The following TIMELESS variants were observed in gnomAD, a reference collection of about 807,000 sequenced individuals.
TIMELESS encodes protein timeless homolog.
TIMELESS carries 124 observed loss-of-function variants against 164.3 expected under a neutral mutation model. The observed-to-expected ratio is 0.75, with a 90% CI of 0.65 to 0.88. TIMELESS has a LOEUF of 0.88. TIMELESS is among the 40% of genes least tolerant of loss of function. The pLI is 0.00. For synonymous variants in TIMELESS, 564 were observed against 563.4 expected (o/e 1.00, Z -0.02); for missense variants, 1,422 against 1,491.4 (o/e 0.95, Z 0.77).
Position 56,447,182 on chromosome 12 carries a change from G to GT in TIMELESS, c.-62+2127dup, listed in dbSNP as rs144004569. Among the ~76,000 whole-genome samples the GT allele has an allele frequency of 8.2e-4, 73 of 89,268 alleles. 1 individual carries two copies. Among genetic ancestry groups the GT allele is most frequent in the East Asian group, 2.3e-3 (5 of 2,210 alleles). 58.6% of individuals were successfully genotyped at this position (89,268 alleles called of 152,430 possible). ...ATGCCACCATACCCAGCTAATTTTT[G>GT]TTTTTTTTTTTTTTTTTTTTTTTTT... On this transcript the variant is annotated intron_variant, in intron 1 of 28. Coordinates refer to ENST00000553532, the MANE Select transcript of TIMELESS (RefSeq NM_003920.5).
At chr12:56,427,204 C>T (rs1201715160) in intron 13 of TIMELESS, among the ~76,000 whole-genome samples, 1 of 151,694 alleles carries the variant, frequency 6.6e-6, no homozygotes, top group Non-Finnish European at 1.5e-5. Context: ...CCTACTGCAA[C>T]CTCTGCCTCA....
intron 13 of TIMELESS, among the ~76,000 whole-genome samples, chr12:56,426,591 G>A (rs1209804117): frequency 1.4e-5 from 2 of 146,412 alleles, no homozygotes; most frequent in Non-Finnish European, 3.0e-5. Flanking sequence ...ACGGAGTCTT[G>A]CTCTGTTGCC....
chr12:56,447,968 G>T (rs1052156732), intron 1 of TIMELESS, among the ~76,000 whole-genome samples: 1 of 152,164 alleles, frequency 6.6e-6, no homozygotes, highest in Non-Finnish European at 1.5e-5. Context: ...AGTCAGGTGC[G>T]TAAGAGATTT....
intron 13 of TIMELESS, among the ~76,000 whole-genome samples, chr12:56,425,404 A>G (rs1010891091): frequency 2.0e-5 from 3 of 152,240 alleles, no homozygotes; most frequent in African/African-American, 7.2e-5. Context: ...GTGAGTGAGC[A>G]TAAGATGTCA....
chr12:56,439,006 A>T (rs1882163456), intron 1 of TIMELESS, among the ~76,000 whole-genome samples: 1 of 151,250 alleles, frequency 6.6e-6, no homozygotes. Flanking sequence ...TCTACTAAAA[A>T]TACAAAAAAA....
At chr12:56,443,144 A>G (rs1868300066) in intron 1 of TIMELESS, among the ~76,000 whole-genome samples, 1 of 152,174 alleles carries the variant, frequency 6.6e-6, no homozygotes, top group South Asian at 2.1e-4. Flanking sequence ...ATAAGGTCTG[A>G]CTGCCTGGGG....
At chr12:56,430,021 T>C in intron 10 of TIMELESS, 84 bp downstream of exon 10, 1 of 1,416,452 alleles carries the variant, frequency 7.1e-7, no homozygotes, top group South Asian at 1.4e-5. Flanking sequence ...CCCGAGCTCC[T>C]CCCCACTTCT....
At position 56,418,376 on chromosome 12, in the gene TIMELESS, G is replaced by A. The variant is rs781524587; in HGVS notation, c.3229-17C>T. On this transcript the variant is annotated splice_polypyrimidine_tract_variant and intron_variant, in intron 26 of 28. Coordinates refer to ENST00000553532, the MANE Select transcript of TIMELESS (RefSeq NM_003920.5). ...GAAGGTTTCCTACAGGGGCCAAAAA[G>A]TTGAAAAGGGAAAGGACCAGCTTTT... 6.3e-7 allele frequency: 1 copy of A among 1,577,836 alleles called. No homozygotes were observed. The highest frequency in any genetic ancestry group is 8.6e-7 in the Non-Finnish European group (1 of 1,160,002).
In TIMELESS at chr12:56,423,481, C is replaced by T. The variant is rs772221714; in HGVS notation, c.2091-6G>A. The T allele has an allele frequency of 1.9e-5, 31 of 1,613,856 alleles. No individual in the cohort carries two copies. The highest frequency in any genetic ancestry group is 4.4e-5 in the South Asian group (4 of 91,082). ...CGACAGTTGAACATGCAAAGCTGCACCAAAACAAGGAGGGAGAGGATGTCA... is the reference window on the plus strand; with the variant it reads ...CGACAGTTGAACATGCAAAGCTGCATCAAAACAAGGAGGGAGAGGATGTCA... On this transcript the variant is annotated splice_region_variant and splice_polypyrimidine_tract_variant and intron_variant, in intron 17 of 28. Transcript: ENST00000553532.
In TIMELESS at chr12:56,434,213, G is replaced by A. The variant is rs148157141; in HGVS notation, c.-43C>T. ...AACAGAGAAGGAAGTGGAGAAACAG[G>A]AGACAGAAATGATGAGGCCTGGAGA... On this transcript the variant is annotated 5_prime_UTR_variant, in exon 2 of 29. Transcript: ENST00000553532. 1,296 of 1,496,572 alleles carry A rather than the reference G, an allele frequency of 8.7e-4. 6 individuals are homozygous for A. The African/African-American group carries it at 0.016, about 18-fold the overall frequency. 92.7% of individuals were successfully genotyped at this position (1,496,572 alleles called of 1,614,324 possible).
Position 56,428,586 on chromosome 12 carries a change from TG to T in TIMELESS, c.1370del (p.Pro457GlnfsTer5). 1 of 1,614,148 alleles carries T rather than the reference TG, an allele frequency of 6.2e-7. No individual in the cohort carries two copies. Among genetic ancestry groups the T allele is most frequent in the Non-Finnish European group, 8.5e-7 (1 of 1,180,012 alleles). On this transcript the variant is annotated frameshift_variant, in exon 12 of 29. Transcript: ENST00000553532. LOFTEE classifies it high-confidence loss of function. ...LATVNEMDIS[P>X]DEAVRESSRI... ...GGCTGCTCTCCCTCACAGCCTCATC[TG>T]GAGATATGTCCATCTCATTCACTGT...
At chr12:56,423,560 C>G in intron 17 of TIMELESS, 24 bp downstream of exon 17, 1 of 1,613,568 alleles carries the variant, frequency 6.2e-7, no homozygotes, top group South Asian at 1.1e-5. Context: ...ACTCTAGGAC[C>G]AACTCAGGCC....
At chr12:56,422,258 C>T (rs1881523088) in intron 19 of TIMELESS, 67 bp from the exon 20 acceptor site, 6 of 1,423,878 alleles carry the variant, frequency 4.2e-6, no homozygotes, top group Non-Finnish European at 5.9e-6. Context: ...CAAAGGCCTT[C>T]TCTGATCAGT....
chr12:56,442,744 A>T (rs1012532649), intron 1 of TIMELESS, among the ~76,000 whole-genome samples: 2 of 152,192 alleles, frequency 1.3e-5, no homozygotes, highest in Non-Finnish European at 2.9e-5. Flanking sequence ...ATGTTGCGGG[A>T]AGTCAGGGAC....
chr12:56,430,871 G>GA lies in TIMELESS; in HGVS notation c.909+9dup, dbSNP rs1881852293. 1 of 1,568,498 alleles carries GA rather than the reference G, an allele frequency of 6.4e-7. No homozygotes were observed. Among genetic ancestry groups the GA allele is most frequent in the African/African-American group, 1.4e-5 (1 of 72,680 alleles). ...CACTATGTTCCCACTCCAGATGTAA[G>GA]AATACTCACGTTGTGAAGGCCTTTG... is the stretch of plus-strand genomic sequence containing the variant. On this transcript the variant is annotated intron_variant, in intron 9 of 28. Coordinates refer to ENST00000553532, the MANE Select transcript of TIMELESS (RefSeq NM_003920.5).
Position 56,433,125 on chromosome 12 carries a change from G to A in TIMELESS, c.432C>T (p.Gly144=), listed in dbSNP as rs1881950701. The A allele has an allele frequency of 6.2e-7, 1 of 1,613,858 alleles. No homozygotes were observed. Among genetic ancestry groups the A allele is most frequent in the African/African-American group, 1.3e-5 (1 of 74,874 alleles). ...SETLYELLQL[G]WEERQEEDNL... is the part of the protein sequence containing the mutation. ...TGTCTTCCTCCTGCCGTTCCTCCCA[G>A]CCCTAACCAGAAGAGAGTAAGAGGA... The change falls in exon 6 of 29, where the codon GGC becomes GGT. Residue 144 remains glycine (G), a splice_region_variant and synonymous_variant. Transcript: ENST00000553532.
At chr12:56,431,340 G>A (rs1189612438) in intron 8 of TIMELESS, 131 bp downstream of exon 8, 4 of 1,190,134 alleles carry the variant, frequency 3.4e-6, no homozygotes, top group African/African-American at 1.6e-5. Context: ...GGCGACAAGA[G>A]CAAAATTCTG....
In TIMELESS at chr12:56,418,294, C is replaced by T. The variant is rs1277387126; in HGVS notation, c.3294G>A (p.Leu1098=). 6.2e-7 allele frequency: 1 copy of T among 1,614,160 alleles called. No individual in the cohort carries two copies. Among genetic ancestry groups the T allele is most frequent in the Non-Finnish European group, 8.5e-7 (1 of 1,180,030 alleles). The part of the protein sequence containing the change: ...PTQLRRAAAS[L]SQPEEEQKLQ... The stretch of plus-strand genomic sequence containing the variant: ...GCTTCTGTTCCTCCTCTGGTTGACT[C>T]AAAGAAGCTGCTGCCCTCCGGAGCT... Residue 1098 remains leucine (L), a synonymous_variant, in exon 27 of 29, where the codon TTG becomes TTA. Coordinates refer to ENST00000553532, the MANE Select transcript of TIMELESS (RefSeq NM_003920.5).
chr12:56,447,068 G>A (rs1208016991), intron 1 of TIMELESS, among the ~76,000 whole-genome samples: 1 of 149,476 alleles, frequency 6.7e-6, no homozygotes, highest in East Asian at 2.0e-4. Flanking sequence ...GGAATGCAAT[G>A]GTGCAATCTC....
Sources: allele counts gnomAD v4.1 joint callset (sites outside exome capture counted in the v4.1 genomes callset), GRCh38; gene constraint gnomAD v4.1.1; transcripts MANE v1.5; gene names NCBI Gene and HGNC (gene_info 2026-07-23, HGNC 2026-07-21).